TMEM45A: variants seen among roughly 807,000 people sequenced by gnomAD.
TMEM45A encodes the protein DNA polymerase-transactivated protein 4.
TMEM45A carries 25 observed loss-of-function variants against 32.0 expected under a neutral mutation model. The ratio of observed to expected loss-of-function variants is 0.78; its 90% CI spans 0.57 to 1.09. The LOEUF (loss-of-function observed/expected upper bound fraction) is 1.09. Ranked by LOEUF, TMEM45A falls within the 50% of genes least tolerant of loss-of-function variation. The probability of loss-of-function intolerance (pLI) is 0.00; values close to 1 mark genes in which losing one functional copy is unlikely to be tolerated. For synonymous variants in TMEM45A, 122 were observed against 114.8 expected (o/e 1.06, Z -0.40); for missense variants, 302 against 325.0 (o/e 0.93, Z 0.54).
intron 1 of TMEM45A, among the ~76,000 whole-genome samples, chr3:100,494,849 T>C (rs1707899713): frequency 6.6e-6 from 1 of 152,160 alleles, no homozygotes; most frequent in South Asian, 2.1e-4. Flanking sequence ...AGCTTCCTCC[T>C]CTGTAACATG....
intron 1 of TMEM45A, among the ~76,000 whole-genome samples, chr3:100,509,190 T>C (rs1708119780): frequency 6.6e-6 from 1 of 152,176 alleles, no homozygotes; most frequent in Admixed American, 6.5e-5. Context: ...AACTGCTGAA[T>C]ATCACTAATC....
chr3:100,532,015 C>A (rs9852313), intron 1 of TMEM45A, among the ~76,000 whole-genome samples: 1 of 152,012 alleles, frequency 6.6e-6, no homozygotes, highest in African/African-American at 2.4e-5. Context: ...ATAATTTTTT[C>A]CTTTTTTGAA....
chr3:100,512,379 G>A (rs1320811237), intron 1 of TMEM45A, among the ~76,000 whole-genome samples: 1 of 152,132 alleles, frequency 6.6e-6, no homozygotes, highest in East Asian at 1.9e-4. Context: ...TGACTACTGG[G>A]TACATAACGA....
At chr3:100,506,020 C>T (rs1015586381) in intron 1 of TMEM45A, among the ~76,000 whole-genome samples, 12 of 152,136 alleles carry the variant, frequency 7.9e-5, no homozygotes, top group African/African-American at 2.7e-4. Flanking sequence ...AGAGGGGGCC[C>T]TCAAGGATTC....
chr3:100,513,139 T>G (rs1487333207), intron 1 of TMEM45A, among the ~76,000 whole-genome samples: 17 of 147,668 alleles, frequency 1.2e-4, no homozygotes, highest in African/African-American at 2.8e-4. Flanking sequence ...GCCAGTATCA[T>G]CCTGATACCA....
At chr3:100,496,521 C>T (rs985046864) in intron 1 of TMEM45A, among the ~76,000 whole-genome samples, 4 of 152,218 alleles carry the variant, frequency 2.6e-5, no homozygotes, top group African/African-American at 9.7e-5. Flanking sequence ...GCTACAGCTG[C>T]TCTTCGTGTT....
chr3:100,507,495 G>A (rs1708094438), intron 1 of TMEM45A, among the ~76,000 whole-genome samples: 1 of 152,180 alleles, frequency 6.6e-6, no homozygotes, highest in Non-Finnish European at 1.5e-5. Flanking sequence ...TAGTCTTTGG[G>A]AAAAGTGGAA....
chr3:100,572,170 G>A (rs995249679), intron 5 of TMEM45A: 3 of 152,066 alleles, frequency 2.0e-5, no homozygotes, highest in African/African-American at 4.8e-5. Flanking sequence ...CTGAGGAATC[G>A]CCACACTGAC....
At chr3:100,515,563 G>A (rs1022365458) in intron 1 of TMEM45A, among the ~76,000 whole-genome samples, 1 of 151,164 alleles carries the variant, frequency 6.6e-6, no homozygotes, top group African/African-American at 2.4e-5. Context: ...CACCAGCATG[G>A]CACATGTATT....
chr3:100,510,782 G>A (rs1391873574), intron 1 of TMEM45A, among the ~76,000 whole-genome samples: 8 of 152,114 alleles, frequency 5.3e-5, no homozygotes, highest in Admixed American at 5.2e-4. Flanking sequence ...GCTTAAAGGA[G>A]CTGATGGAGC....
intron 4 of TMEM45A, among the ~76,000 whole-genome samples, chr3:100,562,713 A>G (rs1049872196): frequency 3.3e-5 from 5 of 152,196 alleles, no homozygotes; most frequent in African/African-American, 1.2e-4. Context: ...CATAGATAAT[A>G]TGTTCTGTGC....
intron 1 of TMEM45A, among the ~76,000 whole-genome samples, chr3:100,511,339 A>G (rs1238147361): frequency 6.6e-6 from 1 of 152,192 alleles, no homozygotes; most frequent in Non-Finnish European, 1.5e-5. Context: ...AAAGACAAGA[A>G]TTTTCAACCC....
At chr3:100,494,762 G>A (rs184754414) in intron 1 of TMEM45A, among the ~76,000 whole-genome samples, 42 of 152,296 alleles carry the variant, frequency 2.8e-4, no homozygotes, top group Admixed American at 6.5e-4. Flanking sequence ...GATGTAAAGA[G>A]CCAGCTGGCC....
chr3:100,538,753 CA>C (rs1705791109), intron 1 of TMEM45A, among the ~76,000 whole-genome samples: 1 of 151,654 alleles, frequency 6.6e-6, no homozygotes, highest in Non-Finnish European at 1.5e-5. Context: ...TAAAAGTTAA[CA>C]AAAAGATATA....
chr3:100,556,621 TG>T, intron 2 of TMEM45A, 138 bp from the exon 3 acceptor site: 3 of 812,932 alleles, frequency 3.7e-6, no homozygotes, highest in Non-Finnish European at 5.9e-6. Context: ...AGTGCTCAGC[TG>T]TTAGGGAACA....
chr3:100,499,409 A>G (rs72943274), intron 1 of TMEM45A, among the ~76,000 whole-genome samples: 3,523 of 152,320 alleles, frequency 0.023, 121 homozygotes, highest in African/African-American at 0.081. Flanking sequence ...ATTCTTTTGC[A>G]TGTGGATAGT....
chr3:100,512,217 G>C (rs1337878234), intron 1 of TMEM45A, among the ~76,000 whole-genome samples: 1 of 152,064 alleles, frequency 6.6e-6, no homozygotes, highest in East Asian at 1.9e-4. Flanking sequence ...TGACCACATA[G>C]TTGGAAGTAA....
chr3:100,496,356 T>C (rs950235702), intron 1 of TMEM45A, among the ~76,000 whole-genome samples: 2 of 152,198 alleles, frequency 1.3e-5, no homozygotes, highest in African/African-American at 2.4e-5. Flanking sequence ...TTGGTACCTA[T>C]TTGTGTCCTG....
At chr3:100,573,827 C>T (rs1177327580) in intron 5 of TMEM45A, 4 of 152,130 alleles carry the variant, frequency 2.6e-5, no homozygotes, top group Non-Finnish European at 5.9e-5. Context: ...TGAATTTTGT[C>T]AAAGGCCTTT....
Sources: gnomAD v4.1 joint callset for allele counts (sites outside exome capture counted in the v4.1 genomes callset) on GRCh38, gnomAD v4.1.1 for gene constraint, MANE v1.5 for transcripts, NCBI Gene and HGNC (gene_info 2026-07-23, HGNC 2026-07-21) for gene names.